NUP153: variants seen among roughly 807,000 people sequenced by gnomAD.
NUP153 encodes the protein nucleoporin 153.
NUP153 carries 27 observed loss-of-function variants against 134.6 expected under a neutral mutation model. The observed-to-expected ratio is 0.20, with a 90% CI of 0.15 to 0.28. The LOEUF (loss-of-function observed/expected upper bound fraction) is 0.28, where lower values mean the gene tolerates loss of function less well. NUP153 is among the 10% of genes least tolerant of loss of function. The pLI is 1.00. For missense variants in NUP153, 1,821 were observed against 1,731.3 expected, an observed-to-expected ratio of 1.05 and a Z score of -0.92; for synonymous variants, 640 against 623.5, an observed-to-expected ratio of 1.03 and a Z score of -0.40.
intron 9 of NUP153, among the ~76,000 whole-genome samples, chr6:17,663,260 C>CACATATATAT (rs1389702878): frequency 2.3e-3 from 324 of 140,056 alleles, no homozygotes; most frequent in Admixed American, 4.3e-3. Context: ...CACACACACA[C>CACATATATAT]ATATATATAT....
At chr6:17,688,113 G>A (rs1036727818) in intron 2 of NUP153, among the ~76,000 whole-genome samples, 6 of 151,682 alleles carry the variant, frequency 4.0e-5, no homozygotes, top group Admixed American at 1.3e-4. Flanking sequence ...GCGAGACTCC[G>A]TCTCAAAAAA....
At chr6:17,652,554 A>C (rs1317837102) in intron 11 of NUP153, among the ~76,000 whole-genome samples, 2 of 152,202 alleles carry the variant, frequency 1.3e-5, no homozygotes, top group East Asian at 3.8e-4. Flanking sequence ...ACAAAGAAGA[A>C]TAAAAATATT....
chr6:17,654,427 T>C (rs1312239762), intron 11 of NUP153, among the ~76,000 whole-genome samples: 1 of 152,072 alleles, frequency 6.6e-6, no homozygotes, highest in Non-Finnish European at 1.5e-5. Context: ...TTTCAACCGA[T>C]TCTCCTGCCT....
At chr6:17,704,291 C>CA (rs377303845) in intron 1 of NUP153, among the ~76,000 whole-genome samples, 2,832 of 96,284 alleles carry the variant, frequency 0.029, 94 homozygotes, top group African/African-American at 0.1. Flanking sequence ...GACTCCGTCT[C>CA]AAAAAAAAAA....
In NUP153 at chr6:17,628,739, T is replaced by C; in HGVS notation, c.3460A>G (p.Ser1154Gly). ...TCCTTCTCAGATGGTTTTGTCATAC[T>C]AAAACTAAATGTGGACTTTGAAGAA... The part of the protein sequence containing the change: ...ENSSKSTFSF[S>G]MTKPSEKESE... The change falls in exon 18 of 22, where the codon AGT (serine) becomes GGT (glycine). Residue 1154 changes from serine to glycine, a missense_variant. Transcript: ENST00000262077. The surrounding 1 kb of genome is among the most constrained non-coding windows in gnomAD (Gnocchi z 5.4). 3 of 1,614,182 alleles carry C rather than the reference T, an allele frequency of 1.9e-6. No homozygotes were observed. Among genetic ancestry groups the C allele is most frequent in the Non-Finnish European group, 2.5e-6 (3 of 1,180,020 alleles).
chr6:17,622,093 C>T (rs187239546), intron 20 of NUP153, among the ~76,000 whole-genome samples: 76 of 152,140 alleles, frequency 5.0e-4, no homozygotes, highest in African/African-American at 1.7e-3. Flanking sequence ...TGTAGCATGG[C>T]TTTTCTTTTG....
At chr6:17,678,248 T>G (rs958044723) in intron 2 of NUP153, among the ~76,000 whole-genome samples, 1 of 147,868 alleles carries the variant, frequency 6.8e-6, no homozygotes, top group Non-Finnish European at 1.5e-5. Context: ...TCCAGCTACC[T>G]GGGAGGCTGA....
chr6:17,627,542 CTGGAG>C lies in NUP153; in HGVS notation c.3544+1108_3544+1112del, dbSNP rs558509095. On this transcript the variant is annotated intron_variant, in intron 18 of 21. Coordinates refer to ENST00000262077, the MANE Select transcript of NUP153 (RefSeq NM_005124.4). Reference sequence around the variant, plus strand: ...ACAGAGCCTTGTTCTGTTGCCCAAGCTGGAGTGCACTGGGCCAATCTCTGCTCACT... The same window carrying C: ...ACAGAGCCTTGTTCTGTTGCCCAAGCTGCACTGGGCCAATCTCTGCTCACT... 1.9e-3 allele frequency among the ~76,000 whole-genome samples: 287 copies of C among 152,264 alleles called. 2 individuals carry two copies. The highest frequency in any genetic ancestry group is 6.6e-3 in the African/African-American group (275 of 41,560).
intron 16 of NUP153, among the ~76,000 whole-genome samples, chr6:17,634,115 A>T (rs79386133): frequency 1.3e-5 from 2 of 151,548 alleles, no homozygotes; most frequent in Non-Finnish European, 2.9e-5. Flanking sequence ...AACCCCCCCC[A>T]TTACTCCCAC....
chr6:17,651,831 T>TA (rs1258012465), intron 11 of NUP153: 2 of 630,770 alleles, frequency 3.2e-6, no homozygotes, highest in South Asian at 3.4e-5. Flanking sequence ...TGGTAGCACA[T>TA]ACCTGTAATC....
At chr6:17,690,253 G>A (rs1349696394) in intron 1 of NUP153, among the ~76,000 whole-genome samples, 1 of 112,518 alleles carries the variant, frequency 8.9e-6, no homozygotes, top group Non-Finnish European at 2.3e-5. Context: ...TCGGGAGGCT[G>A]AGGCAGGAGA....
At chr6:17,686,085 T>A (rs577227860) in intron 2 of NUP153, among the ~76,000 whole-genome samples, 3 of 152,062 alleles carry the variant, frequency 2.0e-5, no homozygotes, top group African/African-American at 7.2e-5. Context: ...AAGGTTGAGG[T>A]TGCAGTGAGC....
intron 1 of NUP153, among the ~76,000 whole-genome samples, chr6:17,698,876 A>G (rs1769851433): frequency 6.6e-6 from 1 of 152,024 alleles, no homozygotes; most frequent in Non-Finnish European, 1.5e-5. Context: ...GTCTTAAAAA[A>G]AAAAAAAGAA....
At chr6:17,650,145 G>C (rs1766429455) in intron 11 of NUP153, among the ~76,000 whole-genome samples, 3 of 152,134 alleles carry the variant, frequency 2.0e-5, no homozygotes, top group Admixed American at 2.0e-4. Context: ...CTGGAAAAAA[G>C]TATAAAGAAA....
At chr6:17,631,709 G>C (rs1023347680) in intron 17 of NUP153, among the ~76,000 whole-genome samples, 3 of 152,036 alleles carry the variant, frequency 2.0e-5, no homozygotes, top group Non-Finnish European at 4.4e-5. Flanking sequence ...GCTCACGCCT[G>C]TAATCCCAGC....
Position 17,688,604 on chromosome 6 carries a change from C to G in NUP153, c.126G>C (p.Arg42Ser), listed in dbSNP as rs1301687002. ...CAATATTCTTAACAGATTCTGTAAC[C>G]CTGCTAAGAATGCCCTGTTGAGAGA... ...GRQQHQGILSRVTESVKNIVP... is the reference protein window; with the variant it reads ...GRQQHQGILSSVTESVKNIVP... Residue 42 changes from arginine (R) to serine (S), a missense_variant, in exon 2 of 22, where the codon AGG becomes AGC. Arg to Ser is a moderately radical substitution (Grantham distance 110). Transcript: ENST00000262077. 5 of 1,612,156 alleles carry G rather than the reference C, an allele frequency of 3.1e-6. No individual in the cohort carries two copies. Among genetic ancestry groups the G allele is most frequent in the Non-Finnish European group, 4.2e-6 (5 of 1,178,544 alleles).
intron 17 of NUP153, among the ~76,000 whole-genome samples, chr6:17,631,688 C>T (rs138661034): frequency 0.017 from 2,522 of 152,010 alleles, 42 homozygotes; most frequent in Non-Finnish European, 0.025. Flanking sequence ...GCCTCCAGAC[C>T]AGGCGTGTTG....
intron 20 of NUP153, among the ~76,000 whole-genome samples, chr6:17,616,979 T>G (rs570733161): frequency 1.1e-3 from 166 of 152,342 alleles, no homozygotes; most frequent in African/African-American, 3.6e-3. Context: ...CTCGATCTCC[T>G]GACCTTGTGA....
intron 1 of NUP153, among the ~76,000 whole-genome samples, chr6:17,697,416 T>C (rs1554147844): frequency 6.6e-6 from 1 of 152,238 alleles, no homozygotes; most frequent in Non-Finnish European, 1.5e-5. Context: ...CTGGGCGCAG[T>C]GGCTCATGCC....
Sources: gnomAD v4.1 joint callset for allele counts (sites outside exome capture counted in the v4.1 genomes callset) on GRCh38, gnomAD v4.1.1 for gene constraint, Gnocchi (gnomAD v3.1) non-coding constraint, MANE v1.5 for transcripts, NCBI Gene and HGNC (gene_info 2026-07-23, HGNC 2026-07-21) for gene names.